Variants in GCFC2 observed in about 807,000 individuals in gnomAD.
The protein encoded by GCFC2 is GC-rich sequence DNA-binding factor 2.
GCFC2 carries 102 observed loss-of-function variants against 99.4 expected under a neutral mutation model. The observed-to-expected ratio is 1.03, with a 90% confidence interval of 0.87 to 1.21. The LOEUF is 1.21. Among genes scored for constraint, GCFC2 ranks in the 50% most tolerant of loss-of-function variants. The probability of loss-of-function intolerance (pLI) is 0.00; values close to 1 mark genes in which losing one functional copy is unlikely to be tolerated. For synonymous variants in GCFC2, 338 were observed against 316.8 expected (o/e 1.07, Z -0.71); for missense variants, 973 against 920.9 (o/e 1.06, Z -0.73).
intron 6 of GCFC2, among the ~76,000 whole-genome samples, chr2:75,693,121 A>T (rs960555533): frequency 1.3e-5 from 2 of 152,220 alleles, no homozygotes; most frequent in Admixed American, 1.3e-4. Context: ...GGGACAAAGC[A>T]TCTCATTGTT....
upstream of GCFC2, among the ~76,000 whole-genome samples, chr2:75,712,913 A>G (rs191685820): frequency 1.7e-3 from 264 of 152,344 alleles, 1 homozygote; most frequent in African/African-American, 6.2e-3. Context: ...TAAAGGGACT[A>G]CTTATACCAT....
At chr2:75,678,531 A>C (rs1007734558) in intron 12 of GCFC2, among the ~76,000 whole-genome samples, 1 of 151,940 alleles carries the variant, frequency 6.6e-6, no homozygotes, top group African/African-American at 2.4e-5. Flanking sequence ...CCCTAAGATA[A>C]ATTATTTCCT....
chr2:75,701,306 A>G lies in GCFC2; in HGVS notation c.620-19T>C. On this transcript the variant is annotated intron_variant, in intron 3 of 16. Coordinates refer to ENST00000321027, the MANE Select transcript of GCFC2 (RefSeq NM_003203.5). ...CTGCTTACTAGCGGAAAAAAAGCTC[A>G]CATGTAAACGTTTAGTATTTTTCCA... 7.0e-7 allele frequency: 1 copy of G among 1,421,372 alleles called. No homozygotes were observed. The highest frequency in any genetic ancestry group is 2.3e-5 in the East Asian group (1 of 44,040). The allele number at this position is 1,421,372 out of a possible 1,614,324, so 88.0% of individuals were successfully genotyped here. A position where few individuals can be genotyped will look rare whatever the true frequency, so the allele number is the denominator to read the frequency against.
At chr2:75,711,398 C>A (rs1681178685), upstream of GCFC2, among the ~76,000 whole-genome samples, 1 of 152,162 alleles carries the variant, frequency 6.6e-6, no homozygotes, top group South Asian at 2.1e-4. Context: ...CAAATGACTT[C>A]CCCCAGGCAG....
At chr2:75,676,615 A>G (rs1350173185) in intron 12 of GCFC2, among the ~76,000 whole-genome samples, 2 of 152,200 alleles carry the variant, frequency 1.3e-5, no homozygotes, top group Non-Finnish European at 2.9e-5. Flanking sequence ...TCAAAATAGC[A>G]CACACATACT....
Position 75,663,537 on chromosome 2 carries a change from G to A in GCFC2, c.*1129C>T, listed in dbSNP as rs1296463828. On this transcript the variant is annotated 3_prime_UTR_variant, in exon 17 of 17. Coordinates refer to ENST00000321027, the MANE Select transcript of GCFC2 (RefSeq NM_003203.5). ...AAATAGTAACTTGCTAATAAGTAAT[G>A]ACTTAATGCTTCAAAAAACATCAAC... is the stretch of plus-strand genomic sequence containing the variant. 1 of 151,982 alleles carries A rather than the reference G, an allele frequency of 6.6e-6. No homozygotes were observed. The highest frequency in any genetic ancestry group is 1.5e-5 in the Non-Finnish European group (1 of 67,992). The allele number at this position is 151,982 out of a possible 1,614,324, so 9.4% of individuals were successfully genotyped here. A position where few individuals can be genotyped will look rare whatever the true frequency, so the allele number is the denominator to read the frequency against.
chr2:75,670,566 T>C (rs930258490), intron 14 of GCFC2: 7 of 237,942 alleles, frequency 2.9e-5, no homozygotes, highest in Non-Finnish European at 5.9e-5. Context: ...TCCCAATCCA[T>C]TTTCTCTCAA....
upstream of GCFC2, chr2:75,711,325 G>A (rs1476654624): frequency 2.4e-6 from 1 of 410,224 alleles, no homozygotes; most frequent in Non-Finnish European, 3.3e-6. Context: ...GGTAGGAGGA[G>A]ATGCCTTTGA....
upstream of GCFC2, chr2:75,711,297 C>T (rs1681172884): frequency 1.3e-6 from 1 of 784,540 alleles, no homozygotes; most frequent in Non-Finnish European, 1.5e-6. Flanking sequence ...AACGAAACCC[C>T]AGCAGTGTGA....
At position 75,664,169 on chromosome 2, in the gene GCFC2, T is replaced by C. The variant is rs1196867383; in HGVS notation, c.*497A>G. 2 of 152,276 alleles carry C rather than the reference T, an allele frequency of 1.3e-5. No individual in the cohort carries two copies. Among genetic ancestry groups the C allele is most frequent in the Non-Finnish European group, 2.9e-5 (2 of 68,068 alleles). 9.4% of individuals were successfully genotyped at this position (152,276 alleles called of 1,614,324 possible). On this transcript the variant is annotated 3_prime_UTR_variant, in exon 17 of 17. Coordinates refer to ENST00000321027, the MANE Select transcript of GCFC2 (RefSeq NM_003203.5). ...CTTATGCTTATGTTGGTACATTAAA[T>C]TGGTACAGATTTCTGAAGGATAATT...
Position 75,670,136 on chromosome 2 carries a change from AC to A in GCFC2, c.2103+1del. 1 of 1,587,204 alleles carries A rather than the reference AC, an allele frequency of 6.3e-7. No homozygotes were observed. Among genetic ancestry groups the A allele is most frequent in the South Asian group, 1.1e-5 (1 of 89,110 alleles). On this transcript the variant is annotated splice_donor_variant, in intron 15 of 16. Coordinates refer to ENST00000321027, the MANE Select transcript of GCFC2 (RefSeq NM_003203.5). LOFTEE classifies it high-confidence loss of function. ...TAGAATCAGTCTTCCTTCACAACTT[AC>A]CTGGTTGCACTTTTTAACCACATCT...
At chr2:75,706,500 C>T in intron 2 of GCFC2, 23 bp downstream of exon 2, 1 of 1,505,826 alleles carries the variant, frequency 6.6e-7, no homozygotes, top group Non-Finnish European at 9.1e-7. Context: ...AAATTCTTAA[C>T]CAAAATCATA....
chr2:75,700,342 T>C (rs1268017435), intron 4 of GCFC2, among the ~76,000 whole-genome samples: 1 of 152,202 alleles, frequency 6.6e-6, no homozygotes, highest in Admixed American at 6.5e-5. Context: ...CATATTTGTG[T>C]ATAATATTTA....
chr2:75,692,757 C>T (rs1445294295), intron 6 of GCFC2, among the ~76,000 whole-genome samples: 1 of 151,328 alleles, frequency 6.6e-6, no homozygotes, highest in East Asian at 1.9e-4. Context: ...ATGAAGGGTA[C>T]AGATGTTTTC....
At position 75,666,723 on chromosome 2, in the gene GCFC2, A is replaced by G. The variant is rs374000717; in HGVS notation, c.2104-670T>C. Among the ~76,000 whole-genome samples, 7 of 152,138 alleles carry G rather than the reference A, an allele frequency of 4.6e-5. No homozygotes were observed. The East Asian group carries it at 1.2e-3, about 25-fold the overall frequency. On this transcript the variant is annotated intron_variant, in intron 15 of 16. Transcript: ENST00000321027. The stretch of plus-strand genomic sequence containing the variant: ...AAAAAATTTAAAAAGTAAAAAAAAA[A>G]AAAACTTCCTCATAGCAGAAACAAG...
rs939417378 is a variant in GCFC2 at position 75,704,197 on chromosome 2, C to T, written c.395-1774G>A. On this transcript the variant is annotated intron_variant, in intron 2 of 16. Coordinates refer to ENST00000321027, the MANE Select transcript of GCFC2 (RefSeq NM_003203.5). ...ACAAATTTATAACTTATGAATAATTCTTCACATATATCATCCTATCTGATA... is the reference window on the plus strand; with the variant it reads ...ACAAATTTATAACTTATGAATAATTTTTCACATATATCATCCTATCTGATA... Among the ~76,000 whole-genome samples, 4 of 152,224 alleles carry T rather than the reference C, an allele frequency of 2.6e-5. No individual in the cohort carries two copies. The East Asian group carries it at 7.7e-4, about 29-fold the overall frequency.
At chr2:75,702,712 G>C (rs1323371117) in intron 2 of GCFC2, among the ~76,000 whole-genome samples, 1 of 152,154 alleles carries the variant, frequency 6.6e-6, no homozygotes, top group Non-Finnish European at 1.5e-5. Flanking sequence ...TGCTCACTTT[G>C]TTGAGGGGTC....
intron 12 of GCFC2, among the ~76,000 whole-genome samples, chr2:75,675,760 A>C (rs1679307718): frequency 8.1e-6 from 1 of 123,368 alleles, no homozygotes; most frequent in Non-Finnish European, 1.9e-5. Context: ...AAAAAAAAAC[A>C]AAAAAAAGAA....
intron 2 of GCFC2, among the ~76,000 whole-genome samples, chr2:75,702,858 G>A (rs1680672040): frequency 6.6e-6 from 1 of 152,138 alleles, no homozygotes; most frequent in African/African-American, 2.4e-5. Context: ...TACCAAGTAA[G>A]AGAGATACTA....
Sources: allele counts gnomAD v4.1 joint callset (sites outside exome capture counted in the v4.1 genomes callset), GRCh38; gene constraint gnomAD v4.1.1; transcripts MANE v1.5; gene names NCBI Gene and HGNC (gene_info 2026-07-23, HGNC 2026-07-21).